The following CDYL2 variants were observed in gnomAD, a reference collection of about 807,000 sequenced individuals.
CDYL2 encodes the protein chromodomain Y-like protein 2.
In CDYL2, 23 loss-of-function variants were observed where a neutral mutation model predicts 49.4. The observed-to-expected ratio is 0.47, with a 90% confidence interval of 0.34 to 0.66. The LOEUF (loss-of-function observed/expected upper bound fraction) is 0.66, where lower values mean the gene tolerates loss of function less well. Among genes scored for constraint, CDYL2 ranks in the 30% least tolerant of loss-of-function variants. The pLI is 0.01. For synonymous variants in CDYL2, 360 were observed against 268.8 expected, an observed-to-expected ratio of 1.34 and a Z score of -3.32; for missense variants, 678 against 656.4, an observed-to-expected ratio of 1.03 and a Z score of -0.36.
chr16:80,731,893 A>G (rs1489395367), intron 1 of CDYL2, among the ~76,000 whole-genome samples: 2 of 148,532 alleles, frequency 1.3e-5, no homozygotes, highest in Non-Finnish European at 3.0e-5. Flanking sequence ...AACCCAACAC[A>G]TAAGAGATGC....
At chr16:80,741,876 G>A (rs998793918) in intron 1 of CDYL2, among the ~76,000 whole-genome samples, 3 of 152,172 alleles carry the variant, frequency 2.0e-5, no homozygotes, top group Non-Finnish European at 4.4e-5. Flanking sequence ...ATTTGGCAAC[G>A]CCCATGAAAA....
intron 1 of CDYL2, among the ~76,000 whole-genome samples, chr16:80,794,690 C>T (rs943549518): frequency 6.9e-6 from 1 of 144,490 alleles, no homozygotes; most frequent in African/African-American, 2.6e-5. Context: ...CGGCTCACTG[C>T]AACCTCCACC....
intron 1 of CDYL2, among the ~76,000 whole-genome samples, chr16:80,760,046 T>C (rs529530716): frequency 7.2e-5 from 11 of 152,312 alleles, no homozygotes; most frequent in African/African-American, 2.4e-4. Context: ...TTTAAGAAAA[T>C]GGCGAAAATT....
chr16:80,623,393 T>C (rs1252555020), intron 3 of CDYL2, among the ~76,000 whole-genome samples: 1 of 151,742 alleles, frequency 6.6e-6, no homozygotes, highest in Non-Finnish European at 1.5e-5. Context: ...CTTAGTGCAG[T>C]GCATGGCACA....
intron 2 of CDYL2, among the ~76,000 whole-genome samples, chr16:80,668,825 T>C (rs184324689): frequency 1.6e-3 from 242 of 151,970 alleles, no homozygotes; most frequent in African/African-American, 5.5e-3. Flanking sequence ...CTTGAACCCA[T>C]GAAGCAGAGG....
intron 1 of CDYL2, among the ~76,000 whole-genome samples, chr16:80,731,084 T>A (rs1404594718): frequency 6.6e-6 from 1 of 152,156 alleles, no homozygotes; most frequent in Non-Finnish European, 1.5e-5. Flanking sequence ...ATGTTATGCT[T>A]TAAATATGTA....
intron 1 of CDYL2, among the ~76,000 whole-genome samples, chr16:80,781,625 C>T (rs1276072496): frequency 6.6e-6 from 1 of 152,120 alleles, no homozygotes; most frequent in African/African-American, 2.4e-5. Flanking sequence ...GAATAGACTA[C>T]ATGTTGGGCC....
At chr16:80,711,731 A>T (rs545115465) in intron 1 of CDYL2, among the ~76,000 whole-genome samples, 48 of 151,978 alleles carry the variant, frequency 3.2e-4, no homozygotes, top group African/African-American at 1.1e-3. Context: ...ACCTGGCCCT[A>T]AGAGGCGCTT....
intron 2 of CDYL2, among the ~76,000 whole-genome samples, chr16:80,633,666 T>A (rs73583633): frequency 0.046 from 7,014 of 152,224 alleles, 467 homozygotes; most frequent in African/African-American, 0.15. Flanking sequence ...CTCAAATACA[T>A]TCACGAGCAT....
At chr16:80,642,464 G>A (rs904310327) in intron 2 of CDYL2, among the ~76,000 whole-genome samples, 1 of 152,094 alleles carries the variant, frequency 6.6e-6, no homozygotes, top group African/African-American at 2.4e-5. Context: ...ATATTTATTA[G>A]TTTGTTATTG....
intron 2 of CDYL2, among the ~76,000 whole-genome samples, chr16:80,677,544 T>A (rs1035466773): frequency 2.0e-5 from 3 of 151,802 alleles, no homozygotes; most frequent in African/African-American, 7.3e-5. Flanking sequence ...GAGACCATGC[T>A]GCCCAACACG....
intron 1 of CDYL2, among the ~76,000 whole-genome samples, chr16:80,703,042 G>C (rs1044228548): frequency 4.6e-5 from 7 of 152,004 alleles, no homozygotes; most frequent in African/African-American, 1.7e-4. Context: ...ATACACACAT[G>C]AATCTAGGAA....
At chr16:80,734,036 C>A (rs1381697162) in intron 1 of CDYL2, among the ~76,000 whole-genome samples, 3 of 152,120 alleles carry the variant, frequency 2.0e-5, no homozygotes, top group African/African-American at 7.2e-5. Context: ...ATTAAGGTAA[C>A]AGATTAGAAA....
intron 1 of CDYL2, among the ~76,000 whole-genome samples, chr16:80,769,041 CTAGT>C (rs1906819770): frequency 6.6e-6 from 1 of 152,106 alleles, no homozygotes; most frequent in Non-Finnish European, 1.5e-5. Context: ...TCCAAACTTC[CTAGT>C]ATGGAATAGA....
chr16:80,804,737 G>C (rs1908049279), upstream of CDYL2, among the ~76,000 whole-genome samples: 1 of 149,586 alleles, frequency 6.7e-6, no homozygotes, highest in Non-Finnish European at 1.5e-5. Flanking sequence ...GGCCGGCTTC[G>C]GGAGCAGCTG....
intron 2 of CDYL2, among the ~76,000 whole-genome samples, chr16:80,671,976 T>A (rs1567564485): frequency 6.6e-6 from 1 of 152,214 alleles, no homozygotes; most frequent in Non-Finnish European, 1.5e-5. Flanking sequence ...TGGGTATACC[T>A]TATCCAAAAT....
At chr16:80,761,522 C>T (rs1475943323) in intron 1 of CDYL2, among the ~76,000 whole-genome samples, 1 of 152,086 alleles carries the variant, frequency 6.6e-6, no homozygotes, top group African/African-American at 2.4e-5. Context: ...TGCCACAGCT[C>T]TCAAAATGAG....
At chr16:80,604,906 T>C (rs1025489140) in intron 6 of CDYL2, among the ~76,000 whole-genome samples, 1 of 152,230 alleles carries the variant, frequency 6.6e-6, no homozygotes, top group Non-Finnish European at 1.5e-5. Flanking sequence ...TCATGATCTG[T>C]TGGCAATAAC....
intron 1 of CDYL2, among the ~76,000 whole-genome samples, chr16:80,698,866 C>T (rs1369359888): frequency 6.6e-6 from 1 of 152,038 alleles, no homozygotes; most frequent in Non-Finnish European, 1.5e-5. Context: ...GTCTCAGGTA[C>T]TTCTTTATAG....
Sources: allele counts gnomAD v4.1 joint callset (sites outside exome capture counted in the v4.1 genomes callset), GRCh38; gene constraint gnomAD v4.1.1; transcripts MANE v1.5; gene names NCBI Gene and HGNC (gene_info 2026-07-23, HGNC 2026-07-21).